DPYS: variants seen among roughly 807,000 people sequenced by gnomAD.
DPYS encodes the protein dihydropyrimidine amidohydrolase.
Under a neutral mutation model 50.3 loss-of-function variants are expected in DPYS, and 39 were observed. That is an observed-to-expected ratio of 0.78 (90% CI 0.60 to 1.01). DPYS has a LOEUF of 1.01. Ranked by LOEUF, DPYS falls within the 50% of genes least tolerant of loss-of-function variation. The pLI, the probability that DPYS is intolerant of heterozygous loss-of-function variation, is 0.00. For synonymous variants in DPYS, 245 were observed against 250.7 expected (o/e 0.98, Z 0.22); for missense variants, 659 against 680.9 (o/e 0.97, Z 0.36).
chr8:104,438,076 T>G (rs1813211177), intron 4 of DPYS, among the ~76,000 whole-genome samples: 1 of 152,170 alleles, frequency 6.6e-6, no homozygotes, highest in Admixed American at 6.5e-5. Context: ...TTTTACACAC[T>G]TTTCCTTAAA....
chr8:104,396,490 C>T (rs1811589737), intron 7 of DPYS, among the ~76,000 whole-genome samples: 1 of 152,088 alleles, frequency 6.6e-6, no homozygotes, highest in Non-Finnish European at 1.5e-5. Context: ...TGAAGCATAA[C>T]TATTTTCCAA....
chr8:104,424,486 T>G, intron 6 of DPYS, 97 bp from the exon 7 acceptor site: 1 of 1,281,304 alleles, frequency 7.8e-7, no homozygotes, highest in East Asian at 2.5e-5. Context: ...CAAACAGAAC[T>G]GCACCTAATT....
At chr8:104,409,474 TA>T (rs1284954005) in intron 7 of DPYS, among the ~76,000 whole-genome samples, 1 of 151,876 alleles carries the variant, frequency 6.6e-6, no homozygotes, top group Non-Finnish European at 1.5e-5. Context: ...GACAGAGAAA[TA>T]AATTAATTAA....
At chr8:104,394,461 AG>A (rs772440301) in intron 7 of DPYS, among the ~76,000 whole-genome samples, 1 of 152,048 alleles carries the variant, frequency 6.6e-6, no homozygotes, top group Non-Finnish European at 1.5e-5. Context: ...CCCCTCAACC[AG>A]CATCAAGCTT....
chr8:104,419,837 A>T (rs2140605149), intron 7 of DPYS: 1 of 152,352 alleles, frequency 6.6e-6, no homozygotes, highest in East Asian at 1.9e-4. Flanking sequence ...AAGGGAAAAA[A>T]CAGGCAAAAA....
chr8:104,457,946 A>G (rs1268780489), intron 1 of DPYS, among the ~76,000 whole-genome samples: 1 of 151,430 alleles, frequency 6.6e-6, no homozygotes, highest in Non-Finnish European at 1.5e-5. Flanking sequence ...TCTTCTATGA[A>G]CTCCAGGAGC....
chr8:104,399,931 ACC>A (rs971404612), intron 7 of DPYS, among the ~76,000 whole-genome samples: 1 of 151,678 alleles, frequency 6.6e-6, no homozygotes. Flanking sequence ...ATCTGACAAG[ACC>A]CTTAGGCATG....
chr8:104,435,643 G>A (rs1298384912), intron 4 of DPYS, among the ~76,000 whole-genome samples: 2 of 152,034 alleles, frequency 1.3e-5, no homozygotes, highest in East Asian at 1.9e-4. Flanking sequence ...GGACTTGAAA[G>A]TTTTCTTATT....
intron 8 of DPYS, among the ~76,000 whole-genome samples, chr8:104,385,012 C>T (rs1386561511): frequency 6.6e-6 from 1 of 152,146 alleles, no homozygotes; most frequent in Non-Finnish European, 1.5e-5. Context: ...AATATAGTTT[C>T]CTTGGTGACC....
At chr8:104,449,013 T>C (rs1240932037) in intron 2 of DPYS, among the ~76,000 whole-genome samples, 5 of 152,184 alleles carry the variant, frequency 3.3e-5, no homozygotes, top group African/African-American at 1.2e-4. Context: ...GCCTGGTGCA[T>C]AGTGCCCACT....
At chr8:104,404,265 C>T (rs1811921424) in intron 7 of DPYS, among the ~76,000 whole-genome samples, 1 of 152,112 alleles carries the variant, frequency 6.6e-6, no homozygotes, top group Admixed American at 6.5e-5. Flanking sequence ...GTTCCCAGCT[C>T]ATTTGAACCT....
chr8:104,413,013 T>C (rs1386166072), intron 7 of DPYS, among the ~76,000 whole-genome samples: 1 of 152,186 alleles, frequency 6.6e-6, no homozygotes. Flanking sequence ...TACGTTTCTA[T>C]TGAGAAAATG....
At position 104,431,869 on chromosome 8, in the gene DPYS, A is replaced by G. The variant is rs892757312; in HGVS notation, c.794-2168T>C. Among the ~76,000 whole-genome samples the G allele has an allele frequency of 1.1e-4, 16 of 152,330 alleles. 1 individual carries two copies. The Middle Eastern group carries it at 0.01, about 97-fold the overall frequency. ...AGTATTATAATATCATATCATATGCACTATGTTACTAGGAAAAGTGCCATT... is the reference window on the plus strand; with the variant it reads ...AGTATTATAATATCATATCATATGCGCTATGTTACTAGGAAAAGTGCCATT... On this transcript the variant is annotated intron_variant, in intron 4 of 9. Coordinates refer to ENST00000351513, the MANE Select transcript of DPYS (RefSeq NM_001385.3).
chr8:104,423,665 A>T (rs1247643141), intron 7 of DPYS, among the ~76,000 whole-genome samples: 2 of 152,202 alleles, frequency 1.3e-5, no homozygotes, highest in Non-Finnish European at 2.9e-5. Flanking sequence ...CTATAAGGAG[A>T]CAATAACAGA....
intron 1 of DPYS, among the ~76,000 whole-genome samples, chr8:104,465,951 G>A (rs1026581311): frequency 1.3e-5 from 2 of 152,102 alleles, no homozygotes; most frequent in Non-Finnish European, 2.9e-5. Context: ...CAAGTGGGAT[G>A]GAGAAAAGAG....
At position 104,392,974 on chromosome 8, in the gene DPYS, G is replaced by A. The variant is rs1401252393; in HGVS notation, c.1253C>T (p.Thr418Ile). ...GTTGAAGTTAACAGCCTGATGATGA[G>A]TTTTTGCTGAGATAGTCCTATATTT... is the stretch of plus-strand genomic sequence containing the variant. ...PKGTRTISAKTHHQAVNFNIF... is the reference protein window; with the variant it reads ...PKGTRTISAKIHHQAVNFNIF... The change falls in exon 8 of 10, where the codon ACT becomes ATT. Residue 418 changes from threonine to isoleucine, a missense_variant. Physicochemically the swap from Thr to Ile is moderately conservative, Grantham distance 89 (BLOSUM62 -1). Coordinates refer to ENST00000351513, the MANE Select transcript of DPYS (RefSeq NM_001385.3). 5 of 1,614,038 alleles carry A rather than the reference G, an allele frequency of 3.1e-6. No homozygotes were observed. In the East Asian group the frequency reaches 8.9e-5, roughly 29 times the overall value.
At chr8:104,394,473 C>T (rs1011306465) in intron 7 of DPYS, among the ~76,000 whole-genome samples, 4 of 152,146 alleles carry the variant, frequency 2.6e-5, no homozygotes, top group African/African-American at 7.2e-5. Flanking sequence ...CATCAAGCTT[C>T]TTTGTTCTAC....
chr8:104,433,756 G>GT (rs1476056765), intron 4 of DPYS, among the ~76,000 whole-genome samples: 6 of 152,174 alleles, frequency 3.9e-5, no homozygotes, highest in African/African-American at 1.2e-4. Flanking sequence ...ATGAAATTTG[G>GT]TGTATTCTTG....
At chr8:104,465,153 G>A (rs1005770947) in intron 1 of DPYS, among the ~76,000 whole-genome samples, 2 of 152,020 alleles carry the variant, frequency 1.3e-5, no homozygotes, top group Non-Finnish European at 2.9e-5. Flanking sequence ...GAGAGGGGGA[G>A]GTGTAAGGAG....
Sources: allele counts gnomAD v4.1 joint callset (sites outside exome capture counted in the v4.1 genomes callset), GRCh38; gene constraint gnomAD v4.1.1; transcripts MANE v1.5; gene names NCBI Gene and HGNC (gene_info 2026-07-23, HGNC 2026-07-21).